SOX6: variants seen among roughly 807,000 people sequenced by gnomAD.
SOX6 encodes SRY-box transcription factor 6.
A neutral mutation model predicts 97.8 loss-of-function variants in SOX6; 11 were observed. The observed-to-expected ratio is 0.11, with a 90% CI of 0.07 to 0.19. The LOEUF (loss-of-function observed/expected upper bound fraction) is 0.19. SOX6 is among the 10% of genes least tolerant of loss of function. The probability of loss-of-function intolerance (pLI) is 1.00; values close to 1 mark genes in which losing one functional copy is unlikely to be tolerated. For missense variants in SOX6, 810 were observed against 1,039.5 expected (o/e 0.78, Z 3.04); for synonymous variants, 360 against 371.4 (o/e 0.97, Z 0.35).
At chr11:16,186,717 T>G (rs147762543) in intron 5 of SOX6, 66 bp downstream of exon 5, 3 of 1,542,468 alleles carry the variant, frequency 1.9e-6, no homozygotes, top group African/African-American at 1.4e-5. Context: ...GCCAATCAAT[T>G]TGATTACTCT....
intron 4 of SOX6, among the ~76,000 whole-genome samples, chr11:16,483,519 A>G (rs573296725): frequency 1.3e-4 from 20 of 152,282 alleles, no homozygotes; most frequent in African/African-American, 4.3e-4. Flanking sequence ...TTTCCCCAGC[A>G]GGGCAAAAAG....
At chr11:16,049,705 TC>T (rs751021457) in intron 11 of SOX6, 49 bp downstream of exon 11, 7 of 1,607,634 alleles carry the variant, frequency 4.4e-6, no homozygotes, top group Non-Finnish European at 5.9e-6. Flanking sequence ...AGGTTTGCTT[TC>T]TTTTACCTAA....
intron 9 of SOX6, among the ~76,000 whole-genome samples, chr11:16,066,749 G>A (rs923937355): frequency 3.3e-5 from 5 of 152,268 alleles, no homozygotes; most frequent in African/African-American, 1.2e-4. Flanking sequence ...CAGAGGCTAG[G>A]AAGGATAATG....
intron 12 of SOX6, among the ~76,000 whole-genome samples, chr11:16,018,589 A>G (rs921417643): frequency 6.6e-6 from 1 of 152,058 alleles, no homozygotes; most frequent in African/African-American, 2.4e-5. Flanking sequence ...TGTGCACAGT[A>G]TATTTTAATA....
intron 2 of SOX6, among the ~76,000 whole-genome samples, chr11:16,721,575 CCTCCCT>C (rs1848265573): frequency 8.4e-5 from 2 of 23,786 alleles, no homozygotes; most frequent in African/African-American, 3.2e-4. Context: ...TCCCTCCCTC[CCTCCCT>C]CTCTCTCTCT....
At chr11:16,250,720 T>C (rs1324220296) in intron 3 of SOX6, among the ~76,000 whole-genome samples, 1 of 152,016 alleles carries the variant, frequency 6.6e-6, no homozygotes, top group Non-Finnish European at 1.5e-5. Context: ...AAAAATAAGA[T>C]ATATCCACAT....
At chr11:16,327,943 T>C (rs969226629) in intron 2 of SOX6, among the ~76,000 whole-genome samples, 3 of 152,156 alleles carry the variant, frequency 2.0e-5, no homozygotes, top group African/African-American at 7.2e-5. Flanking sequence ...ACTTGTACCC[T>C]TTCCTGTATC....
intron 1 of SOX6, chr11:16,402,949 A>G: frequency 1.0e-6 from 1 of 968,824 alleles, no homozygotes; most frequent in Non-Finnish European, 1.5e-6. Flanking sequence ...TTTTTACACC[A>G]AGGTGGGGGA....
intron 9 of SOX6, among the ~76,000 whole-genome samples, chr11:16,061,072 T>C (rs1408055827): frequency 1.3e-5 from 2 of 151,742 alleles, no homozygotes; most frequent in East Asian, 1.9e-4. Context: ...ATTATATATG[T>C]GACAAACAAT....
At chr11:16,690,893 A>G (rs1358324831) in intron 3 of SOX6, among the ~76,000 whole-genome samples, 1 of 152,210 alleles carries the variant, frequency 6.6e-6, no homozygotes. Context: ...TACTTTTTTA[A>G]AAATCCATAA....
chr11:16,669,974 G>A (rs1023938941), intron 3 of SOX6, among the ~76,000 whole-genome samples: 4 of 152,248 alleles, frequency 2.6e-5, no homozygotes, highest in South Asian at 4.1e-4. Context: ...AAAGGGCTGA[G>A]TCATTATGCT....
At chr11:16,022,392 T>TTCCTTC (rs1855092582) in intron 12 of SOX6, among the ~76,000 whole-genome samples, 2 of 143,554 alleles carry the variant, frequency 1.4e-5, no homozygotes, top group African/African-American at 5.1e-5. Context: ...CCTCCCTTCC[T>TTCCTTC]CTCTCTCTCT....
intron 9 of SOX6, among the ~76,000 whole-genome samples, chr11:16,088,617 T>C (rs1848622977): frequency 1.3e-5 from 2 of 152,152 alleles, no homozygotes; most frequent in Non-Finnish European, 2.9e-5. Context: ...TAAATGTAGA[T>C]TTTGACACAA....
intron 3 of SOX6, among the ~76,000 whole-genome samples, chr11:16,269,124 A>C (rs1274840302): frequency 6.6e-6 from 1 of 150,728 alleles, no homozygotes; most frequent in Non-Finnish European, 1.5e-5. Flanking sequence ...ATCTTTTTTA[A>C]ATGGCTACCG....
chr11:16,494,757 G>A (rs889725717), intron 4 of SOX6, among the ~76,000 whole-genome samples: 8 of 152,288 alleles, frequency 5.3e-5, no homozygotes, highest in African/African-American at 1.9e-4. Flanking sequence ...CCAACATAGG[G>A]AAAATGGAAG....
At chr11:16,156,128 A>C (rs1161047352) in intron 6 of SOX6, among the ~76,000 whole-genome samples, 1 of 152,054 alleles carries the variant, frequency 6.6e-6, no homozygotes. Flanking sequence ...CTCAAATACA[A>C]AATGATTGGG....
rs186730379 is a variant in SOX6, at chr11:16,521,288, A to G, written n.610-44900T>C. On this transcript the variant is annotated intron_variant and non_coding_transcript_variant, in intron 4 of 5. Coordinates refer to the SOX6 transcript ENST00000524520. ...GGTACTCCTCTGAGACAAAACTTCC[A>G]GAGGAACGATCAGACAGCAGCATTC... is the stretch of plus-strand genomic sequence containing the variant. 7.6e-3 allele frequency among the ~76,000 whole-genome samples: 1,164 copies of G among 152,280 alleles called. 16 individuals carry two copies. The highest frequency in any genetic ancestry group is 0.025 in the African/African-American group (1,049 of 41,566).
intron 6 of SOX6, among the ~76,000 whole-genome samples, chr11:16,167,267 C>T (rs1850911145): frequency 2.6e-5 from 4 of 152,080 alleles, no homozygotes. Flanking sequence ...AAATCCTTGA[C>T]TTTCCTCTCT....
intron 12 of SOX6, among the ~76,000 whole-genome samples, chr11:16,022,723 A>G (rs1489066652): frequency 6.6e-6 from 1 of 152,056 alleles, no homozygotes; most frequent in Non-Finnish European, 1.5e-5. Context: ...AATGCTTTCC[A>G]TTTTATCTTG....
Sources: gnomAD v4.1 joint callset for allele counts (sites outside exome capture counted in the v4.1 genomes callset) on GRCh38, gnomAD v4.1.1 for gene constraint, MANE v1.5 for transcripts, NCBI Gene and HGNC (gene_info 2026-07-23, HGNC 2026-07-21) for gene names.